Variants in GGA2 observed in about 807,000 individuals in gnomAD.
The protein encoded by GGA2 is ADP-ribosylation factor-binding protein GGA2.
GGA2 carries 48 observed loss-of-function variants against 79.5 expected under a neutral mutation model. The observed-to-expected ratio is 0.60, with a 90% confidence interval of 0.48 to 0.77. The LOEUF (loss-of-function observed/expected upper bound fraction) is 0.77. Among genes scored for constraint, GGA2 ranks in the 30% least tolerant of loss-of-function variants. The pLI is 0.00. For synonymous variants in GGA2, 317 were observed against 302.0 expected (o/e 1.05, Z -0.51); for missense variants, 770 against 774.0 (o/e 0.99, Z 0.06).
At chr16:23,509,718 C>G (rs1276612812) in intron 1 of GGA2, among the ~76,000 whole-genome samples, 1 of 150,052 alleles carries the variant, frequency 6.7e-6, no homozygotes, top group Non-Finnish European at 1.5e-5. Flanking sequence ...AATGAGACCC[C>G]GTCTCTTAAA....
In GGA2 at chr16:23,486,585, A is replaced by C. The variant is rs1244993439; in HGVS notation, c.660+125T>G. On this transcript the variant is annotated intron_variant, in intron 7 of 16. Coordinates refer to ENST00000309859, the MANE Select transcript of GGA2 (RefSeq NM_015044.4). ...AGACTATGGCTGTTCCCCAGAGTTC[A>C]GGGCTAGGAGCCACTCTTTCTCCCA... The C allele has an allele frequency of 1.8e-5, 13 of 741,018 alleles. No homozygotes were observed. The East Asian group carries it at 2.9e-4, about 17-fold the overall frequency. The allele number at this position is 741,018 out of a possible 1,614,324, so 45.9% of individuals were successfully genotyped here.
Position 23,470,739 on chromosome 16 carries a change from ACT to A in GGA2, c.1451-576_1451-575del, listed in dbSNP as rs201074795. ...ACTCCAGCCTAAGTGACAGAGCGAG[ACT>A]CTGTCTCAAACAAACAAACAAACAA... On this transcript the variant is annotated intron_variant, in intron 14 of 16. Coordinates refer to ENST00000309859, the MANE Select transcript of GGA2 (RefSeq NM_015044.4). Among the ~76,000 whole-genome samples, 816 of 108,096 alleles carry A rather than the reference ACT, an allele frequency of 7.5e-3. 36 individuals carry two copies. In the East Asian group the frequency reaches 0.11, roughly 15 times the overall value. The allele number at this position is 108,096 out of a possible 152,430, so 70.9% of individuals were successfully genotyped here.
At chr16:23,512,560 A>G (rs1244944040), upstream of GGA2, among the ~76,000 whole-genome samples, 7 of 24,940 alleles carry the variant, frequency 2.8e-4, no homozygotes, top group African/African-American at 1.3e-3. Context: ...TGTTCTGGGA[A>G]CACACAGACT....
chr16:23,472,911 G>C (rs1399726668), intron 14 of GGA2, among the ~76,000 whole-genome samples: 2 of 150,582 alleles, frequency 1.3e-5, no homozygotes, highest in Non-Finnish European at 3.0e-5. Context: ...GTGGGCACCT[G>C]TGTCCCAGCT....
intron 6 of GGA2, among the ~76,000 whole-genome samples, chr16:23,487,798 C>G (rs1001074558): frequency 1.3e-5 from 2 of 152,086 alleles, no homozygotes; most frequent in Non-Finnish European, 2.9e-5. Flanking sequence ...ACCTGATGGC[C>G]ACAGAGTATC....
intron 2 of GGA2, 33 bp from the exon 3 acceptor site, chr16:23,494,411 C>A: frequency 6.9e-7 from 1 of 1,457,458 alleles, no homozygotes; most frequent in Non-Finnish European, 9.6e-7. Flanking sequence ...AGACTCTGGG[C>A]GGGCAAAAAG....
In GGA2 at chr16:23,463,672, TTGGCTTTAAAACAAAC is replaced by T. The variant is rs1205961488; in HGVS notation, c.*3902_*3917del. 4 of 152,208 alleles carry T rather than the reference TTGGCTTTAAAACAAAC, an allele frequency of 2.6e-5. No homozygotes were observed. The highest frequency in any genetic ancestry group is 9.7e-5 in the African/African-American group (4 of 41,450). The allele number at this position is 152,208 out of a possible 1,614,324, so 9.4% of individuals were successfully genotyped here. On this transcript the variant is annotated 3_prime_UTR_variant, in exon 17 of 17. Transcript: ENST00000309859. Reference sequence around the variant, plus strand: ...GCACACAAACATCTTGGTGCATCGCTTGGCTTTAAAACAAACTGGGGTCAGGACATGGTGGCTCATG... The same window carrying T: ...GCACACAAACATCTTGGTGCATCGCTTGGGGTCAGGACATGGTGGCTCATG...
chr16:23,473,223 C>G (rs946912369), intron 14 of GGA2, among the ~76,000 whole-genome samples: 12 of 149,164 alleles, frequency 8.0e-5, no homozygotes, highest in Admixed American at 6.8e-4. Flanking sequence ...TTATTAAGAA[C>G]TGTATGTACA....
chr16:23,464,766 G>C lies in GGA2; in HGVS notation c.*2824C>G, dbSNP rs1439798452. On this transcript the variant is annotated 3_prime_UTR_variant, in exon 17 of 17. Transcript: ENST00000309859. ...TCTGGGTTCCATTCTAAGTAACTGA[G>C]ACTGAAGCAACAGTGGAACCTCCAG... The C allele has an allele frequency of 1.3e-5, 2 of 153,898 alleles. No individual in the cohort carries two copies. Among genetic ancestry groups the C allele is most frequent in the Non-Finnish European group, 2.9e-5 (2 of 69,058 alleles). 9.5% of individuals were successfully genotyped at this position (153,898 alleles called of 1,614,324 possible).
chr16:23,510,873 G>A (rs961525506), upstream of GGA2, among the ~76,000 whole-genome samples: 2 of 148,612 alleles, frequency 1.3e-5, no homozygotes, highest in African/African-American at 5.1e-5. Context: ...CGCCTGGCGT[G>A]TGTGTGTGTG....
Position 23,468,984 on chromosome 16 carries a change from T to G in GGA2, c.1633A>C (p.Lys545Gln). 6.2e-7 allele frequency: 1 copy of G among 1,603,466 alleles called. No individual in the cohort carries two copies. The highest frequency in any genetic ancestry group is 8.5e-7 in the Non-Finnish European group (1 of 1,170,286). The change falls in exon 16 of 17, where the codon AAG becomes CAG. Residue 545 changes from lysine to glutamine, a missense_variant. By Grantham distance (53) the Lys-to-Gln change is moderately conservative. Coordinates refer to ENST00000309859, the MANE Select transcript of GGA2 (RefSeq NM_015044.4). ...QVAVPKSMRV[K>Q]LQPASSSKLP... ...TTGGAGCTGGATGCCGGCTGCAGCT[T>G]CACTCTCATTGACTATCAGGGGAAG...
chr16:23,492,429 TA>T (rs1964800645), intron 4 of GGA2, among the ~76,000 whole-genome samples: 1 of 152,034 alleles, frequency 6.6e-6, no homozygotes, highest in South Asian at 2.1e-4. Flanking sequence ...GCCTAGGTAA[TA>T]AAACCTAGTG....
In GGA2 at chr16:23,510,441, C is replaced by G; in HGVS notation, c.-30G>C. 1 of 894,078 alleles carries G rather than the reference C, an allele frequency of 1.1e-6. No homozygotes were observed. Among genetic ancestry groups the G allele is most frequent in the South Asian group, 3.1e-5 (1 of 31,832 alleles). 55.4% of individuals were successfully genotyped at this position (894,078 alleles called of 1,614,324 possible). On this transcript the variant is annotated 5_prime_UTR_variant, in exon 1 of 17. Coordinates refer to ENST00000309859, the MANE Select transcript of GGA2 (RefSeq NM_015044.4). ...CCAGCCCCGACGCTGCGGCCGCGGG[C>G]GCCACTGCCTCTTCAGCCGCTGTAG...
intron 1 of GGA2, chr16:23,521,727 T>G (rs557445599): frequency 6.6e-6 from 3 of 453,414 alleles, no homozygotes; most frequent in African/African-American, 6.0e-5. Flanking sequence ...TAGAGGTTCA[T>G]CCATGTTGTA....
intron 7 of GGA2, among the ~76,000 whole-genome samples, 175 bp downstream of exon 7, chr16:23,486,535 A>G (rs1964715138): frequency 6.6e-6 from 1 of 152,126 alleles, no homozygotes; most frequent in African/African-American, 2.4e-5. Flanking sequence ...TCTGGTTCCA[A>G]TCACCACCTT....
At chr16:23,500,561 C>G (rs1964909785) in intron 1 of GGA2, among the ~76,000 whole-genome samples, 1 of 152,212 alleles carries the variant, frequency 6.6e-6, no homozygotes, top group South Asian at 2.1e-4. Context: ...TCCTGCAGTG[C>G]TGACATCTAT....
intron 1 of GGA2, among the ~76,000 whole-genome samples, chr16:23,521,050 C>A (rs1007741696): frequency 6.6e-6 from 1 of 152,124 alleles, no homozygotes; most frequent in African/African-American, 2.4e-5. Flanking sequence ...CCTTGGCCTC[C>A]CAAAATGTTG....
At chr16:23,475,172 A>T in intron 13 of GGA2, 111 bp from the exon 14 acceptor site, 1 of 571,114 alleles carries the variant, frequency 1.8e-6, no homozygotes, top group Non-Finnish European at 3.1e-6. Context: ...ACACACACAG[A>T]GTTAGATGTT....
Position 23,478,785 on chromosome 16 carries a change from G to A in GGA2, c.1158+98C>T, listed in dbSNP as rs780703270. 39 of 877,220 alleles carry A rather than the reference G, an allele frequency of 4.4e-5. No individual in the cohort carries two copies. In the Admixed American group the frequency reaches 6.5e-4, roughly 15 times the overall value. 54.3% of individuals were successfully genotyped at this position (877,220 alleles called of 1,614,324 possible). A position where few individuals can be genotyped will look rare whatever the true frequency, so the allele number is the denominator to read the frequency against. The stretch of plus-strand genomic sequence containing the variant: ...AAGGCCATGATCCCACCGGGACAGT[G>A]CAGGAGCACCTCTCTGCTCGCCAGG... On this transcript the variant is annotated intron_variant, in intron 12 of 16. Coordinates refer to ENST00000309859, the MANE Select transcript of GGA2 (RefSeq NM_015044.4).
Sources: gnomAD v4.1 joint callset for allele counts (sites outside exome capture counted in the v4.1 genomes callset) on GRCh38, gnomAD v4.1.1 for gene constraint, MANE v1.5 for transcripts, NCBI Gene and HGNC (gene_info 2026-07-23, HGNC 2026-07-21) for gene names.